SPTA1: variants seen among roughly 807,000 people sequenced by gnomAD.
The protein encoded by SPTA1 is spectrin alpha chain, erythrocytic 1.
In SPTA1, 177 loss-of-function variants were observed where a neutral mutation model predicts 324.7. The ratio of observed to expected loss-of-function variants is 0.55; its 90% confidence interval spans 0.48 to 0.62. The LOEUF (loss-of-function observed/expected upper bound fraction) is 0.62, where lower values mean the gene tolerates loss of function less well. SPTA1 is among the 20% of genes least tolerant of loss of function. SPTA1 has a pLI of 0.00. For synonymous variants in SPTA1, 1,195 were observed against 1,041.3 expected (o/e 1.15, Z -2.84); for missense variants, 3,162 against 2,883.6 (o/e 1.10, Z -2.21).
chr1:158,644,182 G>A, intron 30 of SPTA1, 71 bp downstream of exon 30: 1 of 1,578,212 alleles, frequency 6.3e-7, no homozygotes, highest in South Asian at 1.1e-5. Flanking sequence ...TATAAAACCA[G>A]ACAAATGTGT....
rs548566511 is a variant in SPTA1 at position 158,649,849 on chromosome 1, T to C, written c.3569+7A>G. Reference sequence around the variant, plus strand: ...GCAGCACTGCTTTTTAGAGTTATAATTATTACCTGTGAAACACTTCAACAG... The same window carrying C: ...GCAGCACTGCTTTTTAGAGTTATAACTATTACCTGTGAAACACTTCAACAG... On this transcript the variant is annotated splice_region_variant and intron_variant, in intron 25 of 51. Transcript: ENST00000643759. The C allele has an allele frequency of 1.9e-6, 3 of 1,610,978 alleles. No homozygotes were observed. The highest frequency in any genetic ancestry group is 2.5e-6 in the Non-Finnish European group (3 of 1,177,482).
At chr1:158,683,247 G>T in intron 3 of SPTA1, 124 bp downstream of exon 3, 1 of 1,359,830 alleles carries the variant, frequency 7.4e-7, no homozygotes, top group Non-Finnish European at 1.0e-6. Context: ...AACCCCAGGG[G>T]AAGATAAGAG....
In SPTA1 at chr1:158,657,654, A is replaced by G. The variant is rs1652925770; in HGVS notation, c.2628T>C (p.Ser876=). 6.2e-7 allele frequency: 1 copy of G among 1,613,934 alleles called. No homozygotes were observed. Among genetic ancestry groups the G allele is most frequent in the Non-Finnish European group, 8.5e-7 (1 of 1,179,966 alleles). ...AAEDVASRVK[S]LNQNMESLRA... is the part of the protein sequence containing the mutation. ...GGAGAGACTCCATATTCTGGTTCAAACTCTTGACCCTAGAGGCCACATCTT... is the reference window on the plus strand; with the variant it reads ...GGAGAGACTCCATATTCTGGTTCAAGCTCTTGACCCTAGAGGCCACATCTT... The change falls in exon 19 of 52, where the codon AGT becomes AGC. Residue 876 remains serine, a synonymous_variant. Coordinates refer to ENST00000643759, the MANE Select transcript of SPTA1 (RefSeq NM_003126.4).
Position 158,674,318 on chromosome 1 carries a change from A to C in SPTA1, c.1350+11T>G, listed in dbSNP as rs1288430342. On this transcript the variant is annotated intron_variant, in intron 10 of 51. Transcript: ENST00000643759. ...AATTGGAATTTGACAAACTCTGTTA[A>C]ACTAGATTACCTTTTCCCGAACTTC... 1.3e-5 allele frequency: 21 copies of C among 1,613,314 alleles called. No homozygotes were observed. The highest frequency in any genetic ancestry group is 2.2e-5 in the East Asian group (1 of 44,864).
At chr1:158,623,230 T>C in intron 42 of SPTA1, 38 bp from the exon 43 acceptor site, 1 of 1,571,252 alleles carries the variant, frequency 6.4e-7, no homozygotes, top group South Asian at 1.1e-5. Flanking sequence ...AACAAGAAAA[T>C]GGTGCAAGGG....
chr1:158,623,079 C>T lies in SPTA1; in HGVS notation c.6024G>A (p.Glu2008=), dbSNP rs747204597. The T allele has an allele frequency of 2.5e-6, 4 of 1,614,164 alleles. No individual in the cohort carries two copies. Among genetic ancestry groups the T allele is most frequent in the African/African-American group, 1.3e-5 (1 of 75,050 alleles). The change falls in exon 43 of 52, where the codon GAG becomes GAA. Residue 2008 remains glutamate, a synonymous_variant. Coordinates refer to ENST00000643759, the MANE Select transcript of SPTA1 (RefSeq NM_003126.4). ...AGCGCTTCAGCAGAGCGGCATAACG[C>T]TCTTCAATGGCTTTAGACTGGTTGT... is the stretch of plus-strand genomic sequence containing the variant. ...AQHNQSKAIE[E]RYAALLKRWE...
At chr1:158,615,449 C>A in intron 47 of SPTA1, 46 bp from the exon 48 acceptor site, 1 of 1,591,924 alleles carries the variant, frequency 6.3e-7, no homozygotes, top group Non-Finnish European at 8.6e-7. Context: ...CCCAGGTTAC[C>A]AGCTCAAAAC....
chr1:158,685,315 T>G lies in SPTA1; in HGVS notation c.57A>C (p.Glu19Asp). The change falls in exon 2 of 52, where the codon GAA (glutamate) becomes GAC (aspartate). Residue 19 changes from glutamate (E) to aspartate (D), a missense_variant. Physicochemically the swap from Glu to Asp is conservative, Grantham distance 45. Coordinates refer to ENST00000643759, the MANE Select transcript of SPTA1 (RefSeq NM_003126.4). ...GCCTCTCCTGGATCTCTTCTGCTGT[T>G]TCCAAAACCTTTGGCCCACTGCTCT... ...VVESSGPKVL[E>D]TAEEIQERRQ... The G allele has an allele frequency of 2.5e-6, 4 of 1,613,742 alleles. No homozygotes were observed.
At chr1:158,640,858 C>T (rs1489214500) in intron 33 of SPTA1, among the ~76,000 whole-genome samples, 3 of 152,138 alleles carry the variant, frequency 2.0e-5, no homozygotes, top group Non-Finnish European at 2.9e-5. Flanking sequence ...CAAGTCAATC[C>T]TAAGGCAAAA....
intron 36 of SPTA1, 127 bp from the exon 37 acceptor site, chr1:158,636,888 T>C (rs1210944970): frequency 4.6e-6 from 7 of 1,532,340 alleles, no homozygotes; most frequent in Middle Eastern, 2.2e-4. Flanking sequence ...TGTAATACCC[T>C]GGTGCCAATG....
intron 48 of SPTA1, 35 bp downstream of exon 48, chr1:158,615,181 C>T (rs1328499153): frequency 1.2e-6 from 2 of 1,611,894 alleles, no homozygotes; most frequent in East Asian, 2.2e-5. Flanking sequence ...ACACCACCTG[C>T]ATCCCTCCCT....
intron 5 of SPTA1, among the ~76,000 whole-genome samples, chr1:158,678,994 T>C (rs1196606252): frequency 6.6e-6 from 1 of 152,192 alleles, no homozygotes; most frequent in African/African-American, 2.4e-5. Context: ...CCCAGAATTA[T>C]AGACACGTGC....
rs1343083793 is a variant in SPTA1, at chr1:158,643,309, A to T, written c.4442+13T>A. 4 of 1,613,618 alleles carry T rather than the reference A, an allele frequency of 2.5e-6. No individual in the cohort carries two copies. Among genetic ancestry groups the T allele is most frequent in the Non-Finnish European group, 3.4e-6 (4 of 1,179,748 alleles). On this transcript the variant is annotated intron_variant, in intron 31 of 51. Transcript: ENST00000643759. ...TCTTCCTTTGGCACATAAAACAATC[A>T]CTCAGGCCTGACCTGTCTAGTACAC...
chr1:158,638,137 G>A lies in SPTA1; in HGVS notation c.5085C>T (p.Phe1695=). 6.2e-7 allele frequency: 1 copy of A among 1,614,048 alleles called. No individual in the cohort carries two copies. Among genetic ancestry groups the A allele is most frequent in the Admixed American group, 1.7e-5 (1 of 59,964 alleles). Residue 1695 remains phenylalanine, a synonymous_variant, in exon 36 of 52, where the codon TTC becomes TTT. Coordinates refer to ENST00000643759, the MANE Select transcript of SPTA1 (RefSeq NM_003126.4). ...CAGCTGCCAATTCTTGGACATTCAG[G>A]AAACGCTTGTTGACATTATCTTTTT... ...VKKKDNVNKR[F]LNVQELAAAH...
At chr1:158,656,679 A>C (rs1557965824) in intron 19 of SPTA1, 23 bp from the exon 20 acceptor site, 1 of 1,583,744 alleles carries the variant, frequency 6.3e-7, no homozygotes. Flanking sequence ...ATGGAAGATC[A>C]TCAGAATGAA....
In SPTA1 at chr1:158,638,033, T is replaced by C; in HGVS notation, c.5189A>G (p.Glu1730Gly). The C allele has an allele frequency of 6.2e-7, 1 of 1,613,624 alleles. No individual in the cohort carries two copies. The highest frequency in any genetic ancestry group is 8.5e-7 in the Non-Finnish European group (1 of 1,179,786). Residue 1730 changes from glutamate to glycine, a missense_variant and splice_region_variant, in exon 36 of 52, where the codon GAG (glutamate) becomes GGG (glycine). Coordinates refer to ENST00000643759, the MANE Select transcript of SPTA1 (RefSeq NM_003126.4). Reference protein sequence around the residue: ...QDLDDEESWIEEKLIRVSSQD... With the variant: ...QDLDDEESWIGEKLIRVSSQD... The stretch of plus-strand genomic sequence containing the variant: ...ACATTTTTGAGCTGGTGGCACATAC[T>C]CTATCCAGGATTCCTCATCATCTAG...
Position 158,623,162 on chromosome 1 carries a change from GGAAACTCTGCA to G in SPTA1, c.5930_5940del (p.Leu1977ProfsTer10), listed in dbSNP as rs1347973702. On this transcript the variant is annotated frameshift_variant, in exon 43 of 52. Coordinates refer to ENST00000643759, the MANE Select transcript of SPTA1 (RefSeq NM_003126.4). LOFTEE classifies it high-confidence loss of function. ...GTGATCTCGGGAAGTCTCTCTTGCT[GGAAACTCTGCA>G]GACTGGCATCCAGAGTGTCCTGAGA... is the stretch of plus-strand genomic sequence containing the variant. 6.2e-7 allele frequency: 1 copy of G among 1,614,008 alleles called. No individual in the cohort carries two copies. Among genetic ancestry groups the G allele is most frequent in the Non-Finnish European group, 8.5e-7 (1 of 1,180,036 alleles).
chr1:158,672,303 C>G, intron 10 of SPTA1, 107 bp from the exon 11 acceptor site: 1 of 1,233,342 alleles, frequency 8.1e-7, no homozygotes, highest in Non-Finnish European at 1.1e-6. Flanking sequence ...CAAAAATAAA[C>G]AGCAAATGGG....
At chr1:158,661,895 C>T (rs1442464274) in intron 17 of SPTA1, among the ~76,000 whole-genome samples, 1 of 152,178 alleles carries the variant, frequency 6.6e-6, no homozygotes, top group Non-Finnish European at 1.5e-5. Flanking sequence ...AAAAGTGCCT[C>T]ATTGATTGCA....
Sources: gnomAD v4.1 joint callset for allele counts (sites outside exome capture counted in the v4.1 genomes callset) on GRCh38, gnomAD v4.1.1 for gene constraint, MANE v1.5 for transcripts, NCBI Gene and HGNC (gene_info 2026-07-23, HGNC 2026-07-21) for gene names.